Variants in HIP1 observed in about 807,000 individuals in gnomAD.
The protein encoded by HIP1 is huntingtin interacting protein 1.
HIP1 carries 65 observed loss-of-function variants against 147.6 expected under a neutral mutation model. The ratio of observed to expected loss-of-function variants is 0.44; its 90% CI spans 0.36 to 0.54. The LOEUF is 0.54. Ranked by LOEUF, HIP1 falls within the 20% of genes least tolerant of loss-of-function variation. The pLI is 0.00. For synonymous variants in HIP1, 479 were observed against 504.0 expected, an observed-to-expected ratio of 0.95 and a Z score of 0.67; for missense variants, 1,061 against 1,299.6, an observed-to-expected ratio of 0.82 and a Z score of 2.82.
At chr7:75,629,520 C>T (rs1356354045) in intron 1 of HIP1, among the ~76,000 whole-genome samples, 3 of 151,220 alleles carry the variant, frequency 2.0e-5, no homozygotes, top group East Asian at 3.9e-4. Flanking sequence ...TCCTGTATTT[C>T]CTTCAATTGC....
chr7:75,585,270 C>T (rs587755761), intron 5 of HIP1, among the ~76,000 whole-genome samples: 31 of 151,952 alleles, frequency 2.0e-4, no homozygotes, highest in African/African-American at 7.0e-4. Flanking sequence ...CTGCAACCTC[C>T]GCCTCCCAGG....
rs1466159600 is a variant in HIP1 at position 75,570,519 on chromosome 7, C to T, written c.746-2263G>A. Among the ~76,000 whole-genome samples, 20 of 144,818 alleles carry T rather than the reference C, an allele frequency of 1.4e-4. No homozygotes were observed. In the East Asian group the frequency reaches 1.5e-3, roughly 11 times the overall value. On this transcript the variant is annotated intron_variant, in intron 8 of 30. Coordinates refer to ENST00000336926, the MANE Select transcript of HIP1 (RefSeq NM_005338.7). ...TGTTGGCCAGGATGGTCTCGATCTC[C>T]TGACCTCATGATCCGCCCACCTCGG...
intron 1 of HIP1, among the ~76,000 whole-genome samples, chr7:75,707,506 T>C (rs1584967065): frequency 6.9e-6 from 1 of 144,846 alleles, no homozygotes; most frequent in African/African-American, 2.6e-5. Flanking sequence ...TAAATTTGTT[T>C]GAGTTCATTG....
chr7:75,713,404 G>A (rs1801216046), intron 1 of HIP1, among the ~76,000 whole-genome samples: 1 of 152,208 alleles, frequency 6.6e-6, no homozygotes, highest in African/African-American at 2.4e-5. Context: ...TCCGGTGCTA[G>A]CTGCACTGCG....
chr7:75,682,361 A>T (rs1393688357), intron 1 of HIP1, among the ~76,000 whole-genome samples: 1 of 150,486 alleles, frequency 6.6e-6, no homozygotes, highest in Non-Finnish European at 1.5e-5. Context: ...GGCTCAAGCG[A>T]TCCTCCCGCC....
At chr7:75,674,515 C>CAA (rs1799831705) in intron 1 of HIP1, among the ~76,000 whole-genome samples, 1 of 51,384 alleles carries the variant, frequency 1.9e-5, no homozygotes, top group African/African-American at 9.1e-5. Flanking sequence ...TTTTTTGAGA[C>CAA]AGAGTCTCAC....
At chr7:75,686,810 G>T (rs1800276084) in intron 1 of HIP1, among the ~76,000 whole-genome samples, 1 of 150,802 alleles carries the variant, frequency 6.6e-6, no homozygotes, top group South Asian at 2.1e-4. Flanking sequence ...TACAGTGCAG[G>T]TGCATGCTGC....
chr7:75,636,597 A>G (rs889067794), intron 1 of HIP1, among the ~76,000 whole-genome samples: 1 of 152,116 alleles, frequency 6.6e-6, no homozygotes, highest in Non-Finnish European at 1.5e-5. Context: ...GCAGACACCA[A>G]TTCCCCAGGG....
Position 75,680,991 on chromosome 7 carries a change from T to A in HIP1, c.120+57810A>T, listed in dbSNP as rs552434055. 3.3e-5 allele frequency among the ~76,000 whole-genome samples: 5 copies of A among 152,250 alleles called. No homozygotes were observed. The East Asian group carries it at 9.7e-4, about 29-fold the overall frequency. On this transcript the variant is annotated intron_variant, in intron 1 of 30. Transcript: ENST00000336926. ...AGGGGTTTTACCGTGTTAGCCAGAATGGTCTCAATCCCCTGACCTCCTGAT... is the reference window on the plus strand; with the variant it reads ...AGGGGTTTTACCGTGTTAGCCAGAAAGGTCTCAATCCCCTGACCTCCTGAT...
At chr7:75,693,232 T>C (rs184993671) in intron 1 of HIP1, among the ~76,000 whole-genome samples, 50 of 152,238 alleles carry the variant, frequency 3.3e-4, no homozygotes, top group Admixed American at 3.1e-3. Flanking sequence ...TGAAAGACTA[T>C]GCTTACATTT....
At chr7:75,676,140 G>A (rs1224089203) in intron 1 of HIP1, among the ~76,000 whole-genome samples, 1 of 152,168 alleles carries the variant, frequency 6.6e-6, no homozygotes, top group African/African-American at 2.4e-5. Flanking sequence ...TGTTTGTTTA[G>A]TGACTTTCCT....
chr7:75,560,061 T>C (rs1795170366), intron 13 of HIP1, 146 bp from the exon 14 acceptor site: 1 of 748,964 alleles, frequency 1.3e-6, no homozygotes, highest in Non-Finnish European at 2.1e-6. Flanking sequence ...TTGGACCATC[T>C]GGTCATTAGG....
At chr7:75,633,775 G>A (rs1345414974) in intron 1 of HIP1, among the ~76,000 whole-genome samples, 1 of 152,124 alleles carries the variant, frequency 6.6e-6, no homozygotes, top group East Asian at 1.9e-4. Context: ...GCAAATACAT[G>A]TGATACCAGC....
rs536611618 is a variant in HIP1, at chr7:75,656,722, C to T, written c.121-57475G>A. ...GAACTCCCGACCTCAGGTGATCCGC[C>T]TGCCTCAGCCTCCCAAAGTGCTGGG... is the stretch of plus-strand genomic sequence containing the variant. On this transcript the variant is annotated intron_variant, in intron 1 of 30. Coordinates refer to ENST00000336926, the MANE Select transcript of HIP1 (RefSeq NM_005338.7). Among the ~76,000 whole-genome samples, 13 of 152,316 alleles carry T rather than the reference C, an allele frequency of 8.5e-5. No individual in the cohort carries two copies. In the South Asian group the frequency reaches 2.7e-3, roughly 32 times the overall value.
chr7:75,582,917 C>T (rs1355630378), intron 5 of HIP1, among the ~76,000 whole-genome samples: 2 of 152,170 alleles, frequency 1.3e-5, no homozygotes, highest in African/African-American at 4.8e-5. Context: ...TTTTCCTTTG[C>T]CCCAAGTCAT....
Position 75,553,778 on chromosome 7 carries a change from AT to A in HIP1, c.2159-190del, listed in dbSNP as rs587659103. ...GCCACCATGCCCGGCTAATTTTTGT[AT>A]TTTTAGTAGAGACGGGGTTTCGCCA... On this transcript the variant is annotated intron_variant, in intron 21 of 30. Coordinates refer to ENST00000336926, the MANE Select transcript of HIP1 (RefSeq NM_005338.7). Among the ~76,000 whole-genome samples the A allele has an allele frequency of 2.5e-4, 38 of 152,094 alleles. No individual in the cohort carries two copies. In the South Asian group the frequency reaches 7.7e-3, roughly 31 times the overall value.
intron 1 of HIP1, among the ~76,000 whole-genome samples, chr7:75,664,967 C>A (rs1410851141): frequency 6.6e-6 from 1 of 152,030 alleles, no homozygotes; most frequent in Non-Finnish European, 1.5e-5. Flanking sequence ...CTAATTTGGG[C>A]TCAAATACAC....
intron 12 of HIP1, among the ~76,000 whole-genome samples, chr7:75,561,628 A>G (rs1795231922): frequency 6.6e-6 from 1 of 152,118 alleles, no homozygotes; most frequent in Non-Finnish European, 1.5e-5. Context: ...GGGTCAAGAC[A>G]TTCCTTTTTT....
intron 1 of HIP1, among the ~76,000 whole-genome samples, chr7:75,624,667 A>T (rs1216818424): frequency 1.3e-5 from 2 of 152,142 alleles, no homozygotes; most frequent in African/African-American, 4.8e-5. Context: ...CTGGCACTCA[A>T]GGCCTGGAGA....
Sources: allele counts gnomAD v4.1 joint callset (sites outside exome capture counted in the v4.1 genomes callset), GRCh38; gene constraint gnomAD v4.1.1; transcripts MANE v1.5; gene names NCBI Gene and HGNC (gene_info 2026-07-23, HGNC 2026-07-21).